The following PELI2 variants were observed in gnomAD, a reference collection of about 807,000 sequenced individuals.
PELI2 encodes E3 ubiquitin-protein ligase pellino homolog 2.
Under a neutral mutation model 42.3 loss-of-function variants are expected in PELI2, and 23 were observed. The ratio of observed to expected loss-of-function variants is 0.54; its 90% CI spans 0.39 to 0.77. PELI2 has a LOEUF of 0.77. Among genes scored for constraint, PELI2 ranks in the 30% least tolerant of loss-of-function variants. The pLI is 0.00. For missense variants in PELI2, 463 were observed against 553.2 expected (o/e 0.84, Z 1.64); for synonymous variants, 245 against 212.2 (o/e 1.15, Z -1.34).
intron 2 of PELI2, among the ~76,000 whole-genome samples, chr14:56,238,215 T>C (rs1450187172): frequency 6.6e-6 from 1 of 152,206 alleles, no homozygotes; most frequent in Non-Finnish European, 1.5e-5. Flanking sequence ...CCAACTCTGC[T>C]GAGTTAATAT....
rs769183857 is a variant in PELI2, at chr14:56,290,255, G to C, written c.508-13G>C. On this transcript the variant is annotated splice_polypyrimidine_tract_variant and intron_variant, in intron 4 of 5. Coordinates refer to ENST00000267460, the MANE Select transcript of PELI2 (RefSeq NM_021255.3). ...CTTAACCTACTTTTTCTGTTCTGCT[G>C]TGTTCTCTCCAGGAAAAGGCAGCAA... The C allele has an allele frequency of 1.6e-5, 25 of 1,544,190 alleles. 1 individual carries two copies. In the South Asian group the frequency reaches 3.1e-4, roughly 19 times the overall value.
At position 56,179,069 on chromosome 14, in the gene PELI2, C is replaced by T. The variant is rs189351008; in HGVS notation, c.207+605C>T. Among the ~76,000 whole-genome samples, 249 of 151,778 alleles carry T rather than the reference C, an allele frequency of 1.6e-3. 2 individuals carry two copies. Among genetic ancestry groups the T allele is most frequent in the Admixed American group, 0.013 (204 of 15,258 alleles). On this transcript the variant is annotated intron_variant, in intron 2 of 5. Coordinates refer to ENST00000267460, the MANE Select transcript of PELI2 (RefSeq NM_021255.3). The stretch of plus-strand genomic sequence containing the variant: ...TCATAATTTTGAAGTGAATAAAATG[C>T]TAATTAAAAAAAACTGGTTATTTGT...
At chr14:56,217,344 AT>A (rs1886944251) in intron 2 of PELI2, among the ~76,000 whole-genome samples, 1 of 152,242 alleles carries the variant, frequency 6.6e-6, no homozygotes, top group Non-Finnish European at 1.5e-5. Flanking sequence ...GAATGGGCAT[AT>A]AACCAGAACA....
chr14:56,178,365 A>AGGAC lies in PELI2; in HGVS notation c.112_115dup (p.Arg39ThrfsTer5). The AGGAC allele has an allele frequency of 6.2e-7, 1 of 1,614,056 alleles. No individual in the cohort carries two copies. The highest frequency in any genetic ancestry group is 8.5e-7 in the Non-Finnish European group (1 of 1,179,916). On this transcript the variant is annotated frameshift_variant, in exon 2 of 6. Coordinates refer to ENST00000267460, the MANE Select transcript of PELI2 (RefSeq NM_021255.3). LOFTEE classifies it high-confidence loss of function. ...ATGGTGCTTTACCCAATGGAGATAG[A>AGGAC]GGACGGAGGAAAAGTAGATTTGCCC...
At chr14:56,291,584 G>A (rs1427312818) in intron 5 of PELI2, among the ~76,000 whole-genome samples, 1 of 152,210 alleles carries the variant, frequency 6.6e-6, no homozygotes, top group Non-Finnish European at 1.5e-5. Context: ...AGGAGGAAAT[G>A]TGAAAGCAGT....
At chr14:56,140,938 A>G (rs187334373) in intron 1 of PELI2, among the ~76,000 whole-genome samples, 9 of 152,308 alleles carry the variant, frequency 5.9e-5, no homozygotes, top group Admixed American at 4.6e-4. Flanking sequence ...GGTTGCTGAC[A>G]TAGCAGCTGA....
chr14:56,292,008 C>T (rs1407250280), intron 5 of PELI2, among the ~76,000 whole-genome samples: 3 of 152,150 alleles, frequency 2.0e-5, no homozygotes, highest in Admixed American at 6.5e-5. Context: ...CGCTGGAGTC[C>T]GTGGGGAGCG....
intron 3 of PELI2, 66 bp downstream of exon 3, chr14:56,279,843 T>C: frequency 1.3e-6 from 1 of 764,510 alleles, no homozygotes; most frequent in Non-Finnish European, 2.2e-6. Flanking sequence ...TTTTTATATG[T>C]AATCAGATCT....
At chr14:56,262,228 A>C (rs1255522121) in intron 2 of PELI2, among the ~76,000 whole-genome samples, 1 of 152,148 alleles carries the variant, frequency 6.6e-6, no homozygotes, top group Non-Finnish European at 1.5e-5. Context: ...CCTAACACTA[A>C]CCCTGGTATT....
At chr14:56,294,705 T>G (rs1889942069) in intron 5 of PELI2, among the ~76,000 whole-genome samples, 1 of 152,194 alleles carries the variant, frequency 6.6e-6, no homozygotes, top group African/African-American at 2.4e-5. Flanking sequence ...ATCCCAGATA[T>G]GTTTCTTCGA....
At chr14:56,141,002 T>A (rs242424) in intron 1 of PELI2, among the ~76,000 whole-genome samples, 88,074 of 151,866 alleles carry the variant, frequency 0.58, 25,954 homozygotes, top group African/African-American at 0.69. Context: ...TTGTCCTGTC[T>A]GCTGAGGAAA....
intron 2 of PELI2, among the ~76,000 whole-genome samples, chr14:56,271,249 A>G (rs3783678): frequency 0.051 from 7,774 of 152,320 alleles, 328 homozygotes; most frequent in South Asian, 0.24. Flanking sequence ...TCATTTGCTC[A>G]TAAATGTGCA....
At chr14:56,247,941 T>C (rs1338756881) in intron 2 of PELI2, among the ~76,000 whole-genome samples, 1 of 152,216 alleles carries the variant, frequency 6.6e-6, no homozygotes, top group Non-Finnish European at 1.5e-5. Flanking sequence ...CAGATGTCTA[T>C]ACTTTGGAAA....
chr14:56,199,129 G>A (rs986562979), intron 2 of PELI2, among the ~76,000 whole-genome samples: 4 of 151,988 alleles, frequency 2.6e-5, no homozygotes, highest in Non-Finnish European at 4.4e-5. Flanking sequence ...CAAGAATTCT[G>A]TAAACAAAAA....
At chr14:56,145,768 T>C (rs1023868318) in intron 1 of PELI2, among the ~76,000 whole-genome samples, 3 of 152,222 alleles carry the variant, frequency 2.0e-5, no homozygotes, top group African/African-American at 7.2e-5. Context: ...GCCTCTGCTA[T>C]GAAAGGGTAT....
intron 2 of PELI2, among the ~76,000 whole-genome samples, chr14:56,192,243 C>T (rs1158720992): frequency 6.6e-6 from 1 of 152,150 alleles, no homozygotes; most frequent in African/African-American, 2.4e-5. Flanking sequence ...AAATTTCTTG[C>T]ATTTTGTCTT....
intron 5 of PELI2, among the ~76,000 whole-genome samples, chr14:56,296,260 G>GT (rs1476273350): frequency 6.6e-6 from 1 of 152,226 alleles, no homozygotes; most frequent in Non-Finnish European, 1.5e-5. Context: ...TATGGGATCA[G>GT]TGAGTCATTG....
chr14:56,162,222 T>A (rs1884791386), intron 1 of PELI2, among the ~76,000 whole-genome samples: 1 of 152,084 alleles, frequency 6.6e-6, no homozygotes, highest in Admixed American at 6.6e-5. Context: ...CTCATTTTTC[T>A]ATTTTTTTTT....
At chr14:56,129,393 A>G (rs535840200) in intron 1 of PELI2, among the ~76,000 whole-genome samples, 41 of 152,224 alleles carry the variant, frequency 2.7e-4, no homozygotes, top group Non-Finnish European at 5.0e-4. Context: ...CCATTTAATT[A>G]TTTGGGCACT....
Sources: gnomAD v4.1 joint callset for allele counts (sites outside exome capture counted in the v4.1 genomes callset) on GRCh38, gnomAD v4.1.1 for gene constraint, MANE v1.5 for transcripts, NCBI Gene and HGNC (gene_info 2026-07-23, HGNC 2026-07-21) for gene names.